The following ABCB9 variants were observed in gnomAD, a reference collection of about 807,000 sequenced individuals.
The protein encoded by ABCB9 is ABC-type oligopeptide transporter ABCB9.
ABCB9 carries 36 observed loss-of-function variants against 62.0 expected under a neutral mutation model. That is an observed-to-expected ratio of 0.58 (90% CI 0.45 to 0.77). The LOEUF is 0.77. Ranked by LOEUF, ABCB9 falls within the 30% of genes least tolerant of loss-of-function variation. The pLI is 0.00. For synonymous variants in ABCB9, 435 were observed against 461.4 expected (o/e 0.94, Z 0.73); for missense variants, 943 against 1,054.7 (o/e 0.89, Z 1.47).
intron 4 of ABCB9, 73 bp from the exon 5 acceptor site, chr12:122,948,902 G>A: frequency 1.5e-6 from 2 of 1,313,422 alleles, no homozygotes. Context: ...ATGCTAAGGG[G>A]CCTCTGAGAC....
rs1412977540 is a variant in ABCB9, at chr12:122,964,356, C to T, written c.-88+1931G>A. 1.3e-5 allele frequency among the ~76,000 whole-genome samples: 2 copies of T among 152,190 alleles called. No individual in the cohort carries two copies. Among genetic ancestry groups the T allele is most frequent in the East Asian group, 3.8e-4 (2 of 5,198 alleles). ...CAGAATAAACAAAATTTCAAACACT[C>T]ATATCGCAGACTACCAAAGCCACAT... On this transcript the variant is annotated intron_variant, in intron 1 of 11. Coordinates refer to ENST00000280560, the MANE Select transcript of ABCB9 (RefSeq NM_019625.4). The surrounding 1 kb of genome is among the most constrained non-coding windows in gnomAD (Gnocchi z 4.7).
chr12:122,930,207 G>C lies in ABCB9; in HGVS notation c.2041-36C>G. On this transcript the variant is annotated intron_variant, in intron 11 of 11. Transcript: ENST00000280560. This position sits in a 1 kb window ranked among gnomAD's most constrained non-coding sequence, Gnocchi z 4.9. ...AGTGGGGGCCTGGCTTGCATGGCACGGACGCCCCACCCGCAACCGTGCTTC... is the reference window on the plus strand; with the variant it reads ...AGTGGGGGCCTGGCTTGCATGGCACCGACGCCCCACCCGCAACCGTGCTTC... 6.6e-7 allele frequency: 1 copy of C among 1,509,150 alleles called. No individual in the cohort carries two copies. The highest frequency in any genetic ancestry group is 8.9e-7 in the Non-Finnish European group (1 of 1,120,206). 93.5% of individuals were successfully genotyped at this position (1,509,150 alleles called of 1,614,324 possible).
rs182322308 is a variant in ABCB9 at position 122,930,340 on chromosome 12, A to G, written c.2041-169T>C. On this transcript the variant is annotated intron_variant, in intron 11 of 11. Transcript: ENST00000280560. This position sits in a 1 kb window ranked among gnomAD's most constrained non-coding sequence, Gnocchi z 4.9. ...GGGAGACAGCTCAGGGCCAGACACA[A>G]TGAGGCACCTGGTGAATGGGGGATC... Among the ~76,000 whole-genome samples the G allele has an allele frequency of 6.6e-6, 1 of 151,712 alleles. No homozygotes were observed. The highest frequency in any genetic ancestry group is 2.4e-5 in the African/African-American group (1 of 41,248).
intron 7 of ABCB9, among the ~76,000 whole-genome samples, chr12:122,943,345 G>A (rs1297631287): frequency 5.3e-5 from 8 of 152,036 alleles, no homozygotes; most frequent in Non-Finnish European, 1.0e-4. Flanking sequence ...TCCGTTGCAC[G>A]CCAATTCTGT....
At position 122,930,201 on chromosome 12, in the gene ABCB9, T is replaced by C. The variant is rs1312217378; in HGVS notation, c.2041-30A>G. The C allele has an allele frequency of 6.6e-6, 10 of 1,516,734 alleles. No individual in the cohort carries two copies. The highest frequency in any genetic ancestry group is 4.0e-5 in the Admixed American group (2 of 49,830). The allele number at this position is 1,516,734 out of a possible 1,614,324, so 94.0% of individuals were successfully genotyped here. A position where few individuals can be genotyped will look rare whatever the true frequency, so the allele number is the denominator to read the frequency against. ...GGGGACAGTGGGGGCCTGGCTTGCA[T>C]GGCACGGACGCCCCACCCGCAACCG... On this transcript the variant is annotated intron_variant, in intron 11 of 11. Coordinates refer to ENST00000280560, the MANE Select transcript of ABCB9 (RefSeq NM_019625.4). This position sits in a 1 kb window ranked among gnomAD's most constrained non-coding sequence, Gnocchi z 4.9.
intron 2 of ABCB9, among the ~76,000 whole-genome samples, chr12:122,954,355 T>A (rs1345142648): frequency 2.0e-5 from 3 of 152,106 alleles, no homozygotes; most frequent in Non-Finnish European, 4.4e-5. Flanking sequence ...ATTACAGGCA[T>A]GCGCCACCAC....
In ABCB9 at chr12:122,959,868, G is replaced by A. The variant is rs1240661251; in HGVS notation, c.368C>T (p.Thr123Met). ...GAAGGATGCGCCGAGTGAAATGTAC[G>A]TCCACACGAACAGGGCCCAAAACCA... ...DPWFWALFVW[T>M]YISLGASFLL... Residue 123 changes from threonine (T) to methionine (M), a missense_variant, in exon 2 of 12, where the codon ACG becomes ATG. Transcript: ENST00000280560. This position sits in a 1 kb window ranked among gnomAD's most constrained non-coding sequence, Gnocchi z 5.4. 2.5e-6 allele frequency: 4 copies of A among 1,613,384 alleles called. No homozygotes were observed. The highest frequency in any genetic ancestry group is 2.2e-5 in the East Asian group (1 of 44,896).
At position 122,952,182 on chromosome 12, in the gene ABCB9, C is replaced by T. The variant is rs148411858; in HGVS notation, c.602-1617G>A. ...CTCTAGAACAGTACGAAATCAGTTT[C>T]TATGGTTTCTAAATGACCCAGTCTG... On this transcript the variant is annotated intron_variant, in intron 2 of 11. Coordinates refer to ENST00000280560, the MANE Select transcript of ABCB9 (RefSeq NM_019625.4). 2.6e-5 allele frequency: 4 copies of T among 152,436 alleles called. No homozygotes were observed. In the East Asian group the frequency reaches 7.7e-4, roughly 29 times the overall value. The allele number at this position is 152,436 out of a possible 1,614,324, so 9.4% of individuals were successfully genotyped here. A position where few individuals can be genotyped will look rare whatever the true frequency, so the allele number is the denominator to read the frequency against.
chr12:122,971,074 T>C (rs2037264900), upstream of ABCB9, among the ~76,000 whole-genome samples: 1 of 152,142 alleles, frequency 6.6e-6, no homozygotes, highest in African/African-American at 2.4e-5. Flanking sequence ...CTCCATATGA[T>C]ACTGTAATGG....
rs751721437 is a variant in ABCB9 at position 122,948,733 on chromosome 12, G to A, written c.944C>T (p.Thr315Met). 3.7e-6 allele frequency: 6 copies of A among 1,613,754 alleles called. No individual in the cohort carries two copies. The highest frequency in any genetic ancestry group is 2.2e-5 in the East Asian group (1 of 44,890). ...GCTGAACATGAAGACCACCACGCCCGTGACCTTGACTGTGTTCCGCAGGAA... is the reference window on the plus strand; with the variant it reads ...GCTGAACATGAAGACCACCACGCCCATGACCTTGACTGTGTTCCGCAGGAA... The part of the protein sequence containing the change: ...NVFLRNTVKV[T>M]GVVVFMFSLS... Residue 315 changes from threonine (T) to methionine (M), a missense_variant, in exon 5 of 12, where the codon ACG (threonine) becomes ATG (methionine). Transcript: ENST00000280560.
Position 122,944,807 on chromosome 12 carries a change from C to T in ABCB9, c.1252-288G>A. On this transcript the variant is annotated intron_variant, in intron 6 of 11. Transcript: ENST00000280560. This position sits in a 1 kb window ranked among gnomAD's most constrained non-coding sequence, Gnocchi z 4.9. The stretch of plus-strand genomic sequence containing the variant: ...CACATGCCACCCCCAGGCTCCTCAG[C>T]TTGGCCACCTGGGAACTATTCGTCC... The T allele has an allele frequency of 3.1e-6, 1 of 320,254 alleles. No individual in the cohort carries two copies. The allele number at this position is 320,254 out of a possible 1,614,324, so 19.8% of individuals were successfully genotyped here. A position where few individuals can be genotyped will look rare whatever the true frequency, so the allele number is the denominator to read the frequency against.
chr12:122,943,452 G>A (rs2135820486), intron 7 of ABCB9, among the ~76,000 whole-genome samples: 1 of 152,322 alleles, frequency 6.6e-6, no homozygotes, highest in African/African-American at 2.4e-5. Context: ...GAGGAAGTCA[G>A]GCCCGGCTGG....
At position 122,947,635 on chromosome 12, in the gene ABCB9, G is replaced by A. The variant is rs536848238; in HGVS notation, c.1053+989C>T. On this transcript the variant is annotated intron_variant, in intron 5 of 11. Coordinates refer to ENST00000280560, the MANE Select transcript of ABCB9 (RefSeq NM_019625.4). The surrounding 1 kb of genome is among the most constrained non-coding windows in gnomAD (Gnocchi z 6.0). ...TGTCCCTTAGGGCTCGGGGGCACCC[G>A]CCCATTCAGGAAGCAGGAGGAGGGT... 11 of 282,980 alleles carry A rather than the reference G, an allele frequency of 3.9e-5. No individual in the cohort carries two copies. The highest frequency in any genetic ancestry group is 8.3e-5 in the Non-Finnish European group (11 of 132,686). 17.5% of individuals were successfully genotyped at this position (282,980 alleles called of 1,614,324 possible).
chr12:122,928,764 C>T (rs4080877), downstream of ABCB9, among the ~76,000 whole-genome samples: 14,671 of 152,050 alleles, frequency 0.096, 2,376 homozygotes, highest in African/African-American at 0.34. Flanking sequence ...TTCAAGGCAA[C>T]GTCTCTATCC....
At chr12:122,934,484 T>C (rs2035355949) in intron 10 of ABCB9, among the ~76,000 whole-genome samples, 1 of 151,352 alleles carries the variant, frequency 6.6e-6, no homozygotes, top group Non-Finnish European at 1.5e-5. Flanking sequence ...AGCCCAGGAA[T>C]TTGAGACCAG....
intron 2 of ABCB9, chr12:122,950,887 C>T (rs550967397): frequency 2.6e-5 from 7 of 266,656 alleles, no homozygotes; most frequent in African/African-American, 1.1e-4. Flanking sequence ...CTGTGTCCCC[C>T]GGGCTGGAGT....
Position 122,940,216 on chromosome 12 carries a change from G to A in ABCB9, c.1638C>T (p.Ser546=), listed in dbSNP as rs768098199. 1.9e-6 allele frequency: 3 copies of A among 1,612,998 alleles called. No homozygotes were observed. Among genetic ancestry groups the A allele is most frequent in the African/African-American group, 1.3e-5 (1 of 74,916 alleles). ...ALVGPSGSGK[S]SCVNILENFY... ...AGTTCTCCAGGATGTTGACACAGGA[G>A]CTCTTCCCACTGCCCGAGGGCCCCA... Residue 546 remains serine (S), a synonymous_variant, in exon 9 of 12, where the codon AGC becomes AGT. Transcript: ENST00000280560. The surrounding 1 kb of genome is among the most constrained non-coding windows in gnomAD (Gnocchi z 4.8).
At chr12:122,921,184 G>A (rs1454870933) in intron 11 of ABCB9, 3 of 763,400 alleles carry the variant, frequency 3.9e-6, no homozygotes, top group Admixed American at 4.5e-5. Flanking sequence ...GGAGGCCGAG[G>A]CAGAAGGATC....
downstream of ABCB9, among the ~76,000 whole-genome samples, chr12:122,919,738 G>T (rs1252572122): frequency 5.3e-5 from 8 of 152,146 alleles, no homozygotes; most frequent in East Asian, 1.2e-3. Flanking sequence ...ACAGTTTCTG[G>T]TAGACGGAGG....
Sources: allele counts gnomAD v4.1 joint callset (sites outside exome capture counted in the v4.1 genomes callset), GRCh38; gene constraint gnomAD v4.1.1; non-coding constraint Gnocchi (gnomAD v3.1); transcripts MANE v1.5; gene names NCBI Gene and HGNC (gene_info 2026-07-23, HGNC 2026-07-21).